ST7L: variants seen among roughly 807,000 people sequenced by gnomAD.
ST7L encodes the protein suppressor of tumorigenicity 7 protein-like.
Under a neutral mutation model 72.5 loss-of-function variants are expected in ST7L, and 57 were observed. That is an observed-to-expected ratio of 0.79 (90% CI 0.64 to 0.98). The LOEUF is 0.98. Ranked by LOEUF, ST7L falls within the 50% of genes least tolerant of loss-of-function variation. The probability of loss-of-function intolerance (pLI) is 0.00; values close to 1 mark genes in which losing one functional copy is unlikely to be tolerated. For missense variants in ST7L, 576 were observed against 672.2 expected (o/e 0.86, Z 1.58); for synonymous variants, 221 against 240.9 (o/e 0.92, Z 0.77).
At chr1:112,592,640 T>C (rs537234782) in intron 5 of ST7L, among the ~76,000 whole-genome samples, 3 of 152,324 alleles carry the variant, frequency 2.0e-5, no homozygotes, top group South Asian at 2.1e-4. Flanking sequence ...TTTTTGATGA[T>C]AGGCTGTCTT....
In ST7L at chr1:112,597,989, A is replaced by C; in HGVS notation, c.604T>G (p.Leu202Val). ...QTFFTCDTDF[L>V]RPSDTVMQKA... is the part of the protein sequence containing the mutation. ...TACATACCTGTGTCTGAAGGACGTA[A>C]AAAATCTGTGTCACAGGTGAAAAAG... is the stretch of plus-strand genomic sequence containing the variant. The change falls in exon 5 of 15, where the codon TTA becomes GTA. Residue 202 changes from leucine to valine, a missense_variant. Physicochemically the swap from Leu to Val is conservative, Grantham distance 32. Coordinates refer to ENST00000358039, the MANE Select transcript of ST7L (RefSeq NM_017744.5). The C allele has an allele frequency of 6.2e-7, 1 of 1,613,546 alleles. No homozygotes were observed. The highest frequency in any genetic ancestry group is 8.5e-7 in the Non-Finnish European group (1 of 1,179,750).
At chr1:112,588,172 A>G (rs1487382296) in intron 6 of ST7L, among the ~76,000 whole-genome samples, 2 of 152,206 alleles carry the variant, frequency 1.3e-5, no homozygotes, top group African/African-American at 2.4e-5. Context: ...GTAAACTTTC[A>G]TTAGCTCTAA....
chr1:112,584,431 G>T (rs1036274098), intron 6 of ST7L, among the ~76,000 whole-genome samples: 2 of 151,326 alleles, frequency 1.3e-5, no homozygotes, highest in East Asian at 1.9e-4. Flanking sequence ...TTTGTGAAAG[G>T]GGGGAGAAAA....
chr1:112,548,758 T>C (rs1657586392), intron 13 of ST7L, among the ~76,000 whole-genome samples: 1 of 152,212 alleles, frequency 6.6e-6, no homozygotes, highest in Non-Finnish European at 1.5e-5. Context: ...AGAAATTTAC[T>C]AGTTTACAGA....
upstream of ST7L, chr1:112,619,430 G>C (rs1340250042): frequency 1.8e-6 from 1 of 543,860 alleles, no homozygotes; most frequent in Non-Finnish European, 3.2e-6. Context: ...GGTTGGAAAA[G>C]CCACCGATCG....
chr1:112,525,796 G>C lies in ST7L; in HGVS notation c.*217C>G. The C allele has an allele frequency of 1.8e-6, 1 of 550,510 alleles. No homozygotes were observed. The highest frequency in any genetic ancestry group is 3.5e-5 in the South Asian group (1 of 28,846). The allele number at this position is 550,510 out of a possible 1,614,324, so 34.1% of individuals were successfully genotyped here. A position where few individuals can be genotyped will look rare whatever the true frequency, so the allele number is the denominator to read the frequency against. ...AAGGCTAAGCTGAATGAAGAAAAAAGGAAGACAATTTCATCTACAGTTGTC... is the reference window on the plus strand; with the variant it reads ...AAGGCTAAGCTGAATGAAGAAAAAACGAAGACAATTTCATCTACAGTTGTC... On this transcript the variant is annotated 3_prime_UTR_variant, in exon 15 of 15. Transcript: ENST00000358039.
intron 2 of ST7L, among the ~76,000 whole-genome samples, chr1:112,611,618 C>T (rs1669070831): frequency 6.6e-6 from 1 of 152,126 alleles, no homozygotes; most frequent in Non-Finnish European, 1.5e-5. Flanking sequence ...TCATTTCTTT[C>T]TATTTCCATG....
At chr1:112,576,731 A>C (rs1349313230) in intron 11 of ST7L, among the ~76,000 whole-genome samples, 1 of 152,254 alleles carries the variant, frequency 6.6e-6, no homozygotes, top group Non-Finnish European at 1.5e-5. Flanking sequence ...CTATACTAAA[A>C]GAACAGCTAA....
rs553360607 is a variant in ST7L at position 112,613,983 on chromosome 1, G to GCCTC, written c.288+2826_288+2829dup. On this transcript the variant is annotated intron_variant, in intron 2 of 14. Transcript: ENST00000358039. ...GGCCACAAGCAATCCTCCTGCCTCA[G>GCCTC]CCTCCCACAGTGTTGGCAGTACAGA... is the stretch of plus-strand genomic sequence containing the variant. Among the ~76,000 whole-genome samples, 27 of 152,214 alleles carry GCCTC rather than the reference G, an allele frequency of 1.8e-4. 1 individual carries two copies. In the South Asian group the frequency reaches 4.6e-3, roughly 26 times the overall value.
intron 11 of ST7L, among the ~76,000 whole-genome samples, chr1:112,574,024 C>T: frequency 6.9e-6 from 1 of 144,984 alleles, no homozygotes; most frequent in Non-Finnish European, 1.5e-5. Flanking sequence ...AAGTGATTCT[C>T]CTGCCTCAGC....
chr1:112,520,968 A>T (rs1307730377), downstream of ST7L: 1 of 166,062 alleles, frequency 6.0e-6, no homozygotes, highest in Admixed American at 5.7e-5. Flanking sequence ...GTTTGAGCAG[A>T]ACTACCTGGT....
At chr1:112,580,440 A>C (rs1453671392) in intron 9 of ST7L, among the ~76,000 whole-genome samples, 1 of 152,236 alleles carries the variant, frequency 6.6e-6, no homozygotes, top group African/African-American at 2.4e-5. Context: ...GGCATGAGCC[A>C]CTGTGTCCAG....
At chr1:112,536,451 G>T (rs535812680) in intron 14 of ST7L, among the ~76,000 whole-genome samples, 92 of 152,102 alleles carry the variant, frequency 6.0e-4, no homozygotes, top group African/African-American at 2.1e-3. Context: ...TGAAAAAAAT[G>T]GTAAGAATAG....
At chr1:112,614,432 C>T (rs6700673) in intron 2 of ST7L, among the ~76,000 whole-genome samples, 76,440 of 151,984 alleles carry the variant, frequency 0.5, 19,670 homozygotes, top group East Asian at 0.66. Context: ...ATGGACTAAA[C>T]ATGCTAAAAT....
At chr1:112,519,337 G>A (rs1006298), downstream of ST7L, among the ~76,000 whole-genome samples, 1,638 of 152,014 alleles carry the variant, frequency 0.011, 28 homozygotes, top group Non-Finnish European at 0.018. Context: ...TTTTCCTCCC[G>A]TATCCCAGTG....
chr1:112,539,822 GT>G, intron 14 of ST7L: 1 of 985,322 alleles, frequency 1.0e-6, no homozygotes, highest in South Asian at 4.7e-5. Flanking sequence ...GTTTTAAAAT[GT>G]ACATGTAAAG....
At position 112,616,947 on chromosome 1, in the gene ST7L, T is replaced by TAG. The variant is rs778518473; in HGVS notation, c.206-54_206-53dup. 1.1e-5 allele frequency: 14 copies of TAG among 1,277,418 alleles called. No individual in the cohort carries two copies. In the African/African-American group the frequency reaches 1.9e-4, roughly 18 times the overall value. 79.1% of individuals were successfully genotyped at this position (1,277,418 alleles called of 1,614,324 possible). On this transcript the variant is annotated intron_variant, in intron 1 of 14. Coordinates refer to ENST00000358039, the MANE Select transcript of ST7L (RefSeq NM_017744.5). ...TTAAAAAATGCAAATTTAAAGTACT[T>TAG]AGGTTACAAATATGCAAGTATCTTT...
intron 11 of ST7L, among the ~76,000 whole-genome samples, chr1:112,564,481 T>C (rs1449105050): frequency 1.3e-5 from 2 of 152,180 alleles, no homozygotes; most frequent in African/African-American, 2.4e-5. Flanking sequence ...ATCTTTTATA[T>C]ATGCCGGTGC....
At position 112,602,202 on chromosome 1, in the gene ST7L, G is replaced by C. The variant is rs753567676; in HGVS notation, c.452-1354C>G. 5.3e-5 allele frequency among the ~76,000 whole-genome samples: 8 copies of C among 151,954 alleles called. No homozygotes were observed. The East Asian group carries it at 1.5e-3, about 29-fold the overall frequency. ...ATCCTTGGTCATCAAAGGTTTATAA[G>C]CAGAAAAATAACAAATATCAAATCT... is the stretch of plus-strand genomic sequence containing the variant. On this transcript the variant is annotated intron_variant, in intron 3 of 14. Coordinates refer to ENST00000358039, the MANE Select transcript of ST7L (RefSeq NM_017744.5).
Sources: gnomAD v4.1 joint callset for allele counts (sites outside exome capture counted in the v4.1 genomes callset) on GRCh38, gnomAD v4.1.1 for gene constraint, MANE v1.5 for transcripts, NCBI Gene and HGNC (gene_info 2026-07-23, HGNC 2026-07-21) for gene names.